The following MPPED2 variants were observed in gnomAD, a reference collection of about 807,000 sequenced individuals.
MPPED2 encodes the protein metallophosphoesterase domain containing 2.
MPPED2 carries 5 observed loss-of-function variants against 33.0 expected under a neutral mutation model. The ratio of observed to expected loss-of-function variants is 0.15; its 90% CI spans 0.08 to 0.32. The LOEUF is 0.32. MPPED2 is among the 10% of genes least tolerant of loss of function. The probability of loss-of-function intolerance (pLI) is 1.00; values close to 1 mark genes in which losing one functional copy is unlikely to be tolerated. For missense variants in MPPED2, 275 were observed against 372.1 expected (o/e 0.74, Z 2.15); for synonymous variants, 136 against 141.9 (o/e 0.96, Z 0.29).
downstream of MPPED2, among the ~76,000 whole-genome samples, chr11:30,384,115 T>C (rs987665230): frequency 6.6e-6 from 1 of 151,932 alleles, no homozygotes. Flanking sequence ...AACATCTACA[T>C]TGAGTGCCTA....
At chr11:30,448,810 AC>A (rs1323555635) in intron 4 of MPPED2, among the ~76,000 whole-genome samples, 1 of 151,728 alleles carries the variant, frequency 6.6e-6, no homozygotes, top group African/African-American at 2.4e-5. Flanking sequence ...GAGTAGCACC[AC>A]CACGCCTGGC....
chr11:30,557,351 CA>C lies in MPPED2; in HGVS notation c.129-21177del, dbSNP rs1224762853. Among the ~76,000 whole-genome samples the C allele has an allele frequency of 1.8e-4, 27 of 151,508 alleles. 1 individual carries two copies. Among genetic ancestry groups the C allele is most frequent in the African/African-American group, 5.4e-4 (22 of 40,884 alleles). ...AAACGCTTTGTTGGAGAAAATGTAT[CA>C]TTTCCTATAATGCAAAATATAAGAA... On this transcript the variant is annotated intron_variant, in intron 2 of 6. Coordinates refer to ENST00000358117, the MANE Select transcript of MPPED2 (RefSeq NM_001584.3).
intron 4 of MPPED2, among the ~76,000 whole-genome samples, chr11:30,428,088 C>T (rs998889854): frequency 2.0e-5 from 3 of 152,114 alleles, no homozygotes; most frequent in Non-Finnish European, 4.4e-5. Flanking sequence ...GGCCTGCCTT[C>T]TTTCTCTTTA....
At chr11:30,584,119 C>G (rs927552140) in intron 1 of MPPED2, 1 of 152,024 alleles carries the variant, frequency 6.6e-6, no homozygotes, top group Non-Finnish European at 1.5e-5. Context: ...CCTCCCACCG[C>G]ACTTACACCT....
intron 3 of MPPED2, among the ~76,000 whole-genome samples, chr11:30,496,244 C>A (rs1952246239): frequency 2.0e-5 from 3 of 152,004 alleles, no homozygotes; most frequent in Non-Finnish European, 4.4e-5. Context: ...TGAGATAATT[C>A]TGGGAAGAAG....
intron 2 of MPPED2, among the ~76,000 whole-genome samples, chr11:30,569,146 G>T (rs1000964113): frequency 5.9e-5 from 9 of 152,040 alleles, no homozygotes; most frequent in African/African-American, 2.2e-4. Flanking sequence ...TTAACATCGT[G>T]GTGGGGTCGA....
chr11:30,535,982 A>T lies in MPPED2; in HGVS notation c.310+12T>A, dbSNP rs1954789681. 1.3e-6 allele frequency: 2 copies of T among 1,583,980 alleles called. No individual in the cohort carries two copies. Among genetic ancestry groups the T allele is most frequent in the East Asian group, 4.5e-5 (2 of 44,522 alleles). ...GGTTAATTGGGGCCGCCAGAACGCAATCATTCCTTACCTAACCAGTCATTA... is the reference window on the plus strand; with the variant it reads ...GGTTAATTGGGGCCGCCAGAACGCATTCATTCCTTACCTAACCAGTCATTA... On this transcript the variant is annotated intron_variant, in intron 3 of 6. Transcript: ENST00000358117.
intron 2 of MPPED2, among the ~76,000 whole-genome samples, chr11:30,572,496 CA>C (rs1388418325): frequency 2.6e-5 from 4 of 152,082 alleles, no homozygotes; most frequent in Non-Finnish European, 5.9e-5. Context: ...ACTAAAAGGA[CA>C]ATTCAGCATT....
chr11:30,573,553 T>C (rs1207495605), intron 2 of MPPED2, among the ~76,000 whole-genome samples: 5 of 152,170 alleles, frequency 3.3e-5, no homozygotes, highest in Admixed American at 2.6e-4. Context: ...CTGTTACTGC[T>C]CCTGAAGACC....
chr11:30,465,189 T>C (rs918004386), intron 4 of MPPED2, among the ~76,000 whole-genome samples: 5 of 152,194 alleles, frequency 3.3e-5, no homozygotes, highest in Admixed American at 1.3e-4. Flanking sequence ...GGTAAGCTGG[T>C]GAGGCTGTAA....
rs1466691588 is a variant in MPPED2, at chr11:30,504,874, TCAGG to T, written c.311-9357_311-9354del. ...CACAGAAAACTATATTACAATAATG[TCAGG>T]GCTGAGCCAGAAACCCAGGAGAAGG... On this transcript the variant is annotated intron_variant, in intron 3 of 6. Coordinates refer to ENST00000358117, the MANE Select transcript of MPPED2 (RefSeq NM_001584.3). 3 of 1,143,170 alleles carry T rather than the reference TCAGG, an allele frequency of 2.6e-6. No individual in the cohort carries two copies. In the Admixed American group the frequency reaches 6.9e-5, roughly 26 times the overall value. The allele number at this position is 1,143,170 out of a possible 1,614,324, so 70.8% of individuals were successfully genotyped here.
At chr11:30,412,147 C>T (rs1174822419) in intron 6 of MPPED2, among the ~76,000 whole-genome samples, 1 of 151,100 alleles carries the variant, frequency 6.6e-6, no homozygotes, top group African/African-American at 2.4e-5. Flanking sequence ...GGCTTTAATA[C>T]TAAGTTCCAT....
chr11:30,537,400 C>T (rs1267424929), intron 2 of MPPED2, among the ~76,000 whole-genome samples: 1 of 152,168 alleles, frequency 6.6e-6, no homozygotes, highest in Non-Finnish European at 1.5e-5. Context: ...TGATAGTTAA[C>T]ATGCAGCAGA....
chr11:30,483,095 CA>C (rs1365584937), intron 4 of MPPED2, among the ~76,000 whole-genome samples: 7 of 152,164 alleles, frequency 4.6e-5, no homozygotes, highest in Non-Finnish European at 1.0e-4. Flanking sequence ...AGCCGGCAAC[CA>C]CACAGAATTT....
intron 4 of MPPED2, among the ~76,000 whole-genome samples, chr11:30,492,427 T>C (rs915638460): frequency 6.6e-6 from 1 of 152,100 alleles, no homozygotes; most frequent in Non-Finnish European, 1.5e-5. Flanking sequence ...TCCTGTGCCT[T>C]TTAAGGATTT....
At chr11:30,426,771 A>G (rs16920653) in intron 4 of MPPED2, among the ~76,000 whole-genome samples, 1 of 152,236 alleles carries the variant, frequency 6.6e-6, no homozygotes, top group Admixed American at 6.5e-5. Context: ...GAATGATGTG[A>G]AAATTAATCC....
chr11:30,491,510 A>C (rs1951980406), intron 4 of MPPED2, among the ~76,000 whole-genome samples: 1 of 152,256 alleles, frequency 6.6e-6, no homozygotes, highest in African/African-American at 2.4e-5. Context: ...CATCACTATT[A>C]GTAGTAATAG....
chr11:30,401,961 T>A (rs1409076875), intron 6 of MPPED2, among the ~76,000 whole-genome samples: 1 of 151,876 alleles, frequency 6.6e-6, no homozygotes, highest in African/African-American at 2.4e-5. Context: ...CCTCCCAAAG[T>A]GCTGGGATTA....
chr11:30,526,379 A>G (rs1473625028), intron 3 of MPPED2, among the ~76,000 whole-genome samples: 2 of 152,328 alleles, frequency 1.3e-5, no homozygotes, highest in African/African-American at 4.8e-5. Context: ...TTCTTGAACT[A>G]GAAAGAGAAG....
Sources: allele counts gnomAD v4.1 joint callset (sites outside exome capture counted in the v4.1 genomes callset), GRCh38; gene constraint gnomAD v4.1.1; transcripts MANE v1.5; gene names NCBI Gene and HGNC (gene_info 2026-07-23, HGNC 2026-07-21).